Variants in NCKAP5 observed in about 807,000 individuals in gnomAD.
The protein encoded by NCKAP5 is nck-associated protein 5.
In NCKAP5, 92 loss-of-function variants were observed where a neutral mutation model predicts 167.0. The observed-to-expected ratio is 0.55, with a 90% CI of 0.47 to 0.66. The LOEUF is 0.66. Ranked by LOEUF, NCKAP5 falls within the 30% of genes least tolerant of loss-of-function variation. NCKAP5 has a pLI of 0.00. For missense variants in NCKAP5, 2,378 were observed against 2,315.0 expected (o/e 1.03, Z -0.56); for synonymous variants, 891 against 877.4 (o/e 1.02, Z -0.27).
At chr2:133,456,979 T>A (rs1469504698) in intron 3 of NCKAP5, among the ~76,000 whole-genome samples, 2 of 152,138 alleles carry the variant, frequency 1.3e-5, no homozygotes, top group Non-Finnish European at 2.9e-5. Context: ...ACCAATGTCT[T>A]CCGTTAACAC....
chr2:132,974,193 A>G (rs1015313150), intron 7 of NCKAP5, among the ~76,000 whole-genome samples: 6 of 152,206 alleles, frequency 3.9e-5, no homozygotes, highest in African/African-American at 1.2e-4. Context: ...ATGAAGAAAC[A>G]TCCAACTTTA....
At chr2:133,354,120 A>T (rs1684546358) in intron 3 of NCKAP5, among the ~76,000 whole-genome samples, 1 of 152,232 alleles carries the variant, frequency 6.6e-6, no homozygotes, top group Non-Finnish European at 1.5e-5. Context: ...GTGAGGTGAC[A>T]GAACAGGAAA....
chr2:133,044,641 T>C (rs888588828), intron 6 of NCKAP5, among the ~76,000 whole-genome samples: 1 of 152,168 alleles, frequency 6.6e-6, no homozygotes, highest in Non-Finnish European at 1.5e-5. Context: ...TATAAATCGG[T>C]GCAACCATTC....
At chr2:132,719,415 T>C (rs935156079) in intron 19 of NCKAP5, among the ~76,000 whole-genome samples, 5 of 152,208 alleles carry the variant, frequency 3.3e-5, no homozygotes, top group African/African-American at 1.2e-4. Context: ...GAGGTATAAT[T>C]GACAGACAAA....
intron 3 of NCKAP5, among the ~76,000 whole-genome samples, chr2:133,405,819 C>A (rs1436888878): frequency 1.3e-5 from 2 of 152,166 alleles, no homozygotes; most frequent in East Asian, 1.9e-4. Context: ...TGGGTTATAC[C>A]CTGCACAAAC....
chr2:132,706,127 A>AT (rs1688338890), intron 19 of NCKAP5, among the ~76,000 whole-genome samples: 1 of 152,110 alleles, frequency 6.6e-6, no homozygotes, highest in African/African-American at 2.4e-5. Context: ...TTTTAAAATA[A>AT]TTTTTTTCCT....
intron 3 of NCKAP5, among the ~76,000 whole-genome samples, chr2:133,311,359 G>A (rs1681218073): frequency 6.6e-6 from 1 of 152,218 alleles, no homozygotes; most frequent in Admixed American, 6.5e-5. Flanking sequence ...ACGAGGTATG[G>A]GAGAAGGGGT....
chr2:133,142,548 C>T (rs1244192032), intron 5 of NCKAP5, among the ~76,000 whole-genome samples: 1 of 152,056 alleles, frequency 6.6e-6, no homozygotes, highest in African/African-American at 2.4e-5. Context: ...AATGTTTAGC[C>T]CTTTCTCGTT....
intron 7 of NCKAP5, among the ~76,000 whole-genome samples, chr2:132,979,991 T>C (rs1197671251): frequency 1.4e-5 from 2 of 145,822 alleles, no homozygotes; most frequent in African/African-American, 2.7e-5. Flanking sequence ...TTTCTTTTTC[T>C]TTTTCTTTTT....
chr2:133,084,786 T>G (rs746773139), intron 6 of NCKAP5, among the ~76,000 whole-genome samples: 4 of 152,196 alleles, frequency 2.6e-5, no homozygotes, highest in Non-Finnish European at 5.9e-5. Context: ...TCCTACATGC[T>G]TAGCTGATAC....
chr2:133,262,874 T>C (rs2088984233), intron 4 of NCKAP5, among the ~76,000 whole-genome samples: 1 of 152,168 alleles, frequency 6.6e-6, no homozygotes, highest in African/African-American at 2.4e-5. Context: ...GCACAAATAA[T>C]AGGGCCGCTG....
At chr2:132,910,797 T>A (rs915279452) in intron 8 of NCKAP5, among the ~76,000 whole-genome samples, 1 of 152,224 alleles carries the variant, frequency 6.6e-6, no homozygotes, top group South Asian at 2.1e-4. Context: ...CTTATATGTA[T>A]AAGCTTTGGA....
intron 7 of NCKAP5, among the ~76,000 whole-genome samples, chr2:132,965,792 A>C (rs1448799674): frequency 6.6e-6 from 1 of 152,180 alleles, no homozygotes; most frequent in Non-Finnish European, 1.5e-5. Context: ...ACTGTAACAC[A>C]ATGGCAAGTA....
chr2:133,012,068 C>T (rs115196863), intron 6 of NCKAP5, among the ~76,000 whole-genome samples: 1,549 of 152,176 alleles, frequency 0.01, 31 homozygotes, highest in African/African-American at 0.035. Flanking sequence ...TAAATTTATC[C>T]TAATGGATGC....
the NCKAP5 span, among the ~76,000 whole-genome samples, chr2:133,643,668 T>A: frequency 6.6e-6 from 1 of 152,284 alleles, no homozygotes; most frequent in African/African-American, 2.4e-5. Flanking sequence ...AACTCCACTA[T>A]CACATTCAAA....
rs189475690 is a variant in NCKAP5 at position 133,173,974 on chromosome 2, C to T, written c.207+39742G>A. Among the ~76,000 whole-genome samples, 239 of 148,614 alleles carry T rather than the reference C, an allele frequency of 1.6e-3. 1 individual carries two copies. Among genetic ancestry groups the T allele is most frequent in the Non-Finnish European group, 2.4e-3 (164 of 67,636 alleles). On this transcript the variant is annotated intron_variant, in intron 5 of 19. Transcript: ENST00000409261. The stretch of plus-strand genomic sequence containing the variant: ...TGGAGAGAAGGTAGAAAAATACATA[C>T]GCTTTTTTTCCCCCAGTGATTAAAA...
At chr2:133,266,629 G>A (rs558896116) in intron 4 of NCKAP5, among the ~76,000 whole-genome samples, 2 of 152,276 alleles carry the variant, frequency 1.3e-5, no homozygotes, top group South Asian at 2.1e-4. Flanking sequence ...CTGCAGAGCC[G>A]GGAGTTGCCA....
chr2:133,373,710 T>C (rs1006497461), intron 3 of NCKAP5, among the ~76,000 whole-genome samples: 3 of 152,098 alleles, frequency 2.0e-5, no homozygotes, highest in South Asian at 2.1e-4. Context: ...GGCGAAAGAA[T>C]AGACAAATCG....
At chr2:133,032,049 T>C (rs1190490948) in intron 6 of NCKAP5, among the ~76,000 whole-genome samples, 7 of 152,032 alleles carry the variant, frequency 4.6e-5, no homozygotes, top group Non-Finnish European at 8.8e-5. Context: ...CCAGCTGTGG[T>C]GGCAAAGGGG....
Sources: gnomAD v4.1 joint callset for allele counts (sites outside exome capture counted in the v4.1 genomes callset) on GRCh38, gnomAD v4.1.1 for gene constraint, MANE v1.5 for transcripts, NCBI Gene and HGNC (gene_info 2026-07-23, HGNC 2026-07-21) for gene names.